The following EYS variants were observed in gnomAD, a reference collection of about 807,000 sequenced individuals.
EYS encodes EGF-like photoreceptor maintenance factor.
Under a neutral mutation model 282.1 loss-of-function variants are expected in EYS, and 250 were observed. The observed-to-expected ratio is 0.89, with a 90% CI of 0.80 to 0.98. The LOEUF (loss-of-function observed/expected upper bound fraction) is 0.98, where lower values mean the gene tolerates loss of function less well. EYS is among the 50% of genes least tolerant of loss of function. The pLI, the probability that EYS is intolerant of heterozygous loss-of-function variation, is 0.00. For missense variants in EYS, 4,016 were observed against 3,709.0 expected (o/e 1.08, Z -2.15); for synonymous variants, 1,355 against 1,282.9 (o/e 1.06, Z -1.20).
intron 5 of EYS, among the ~76,000 whole-genome samples, chr6:65,448,249 C>T (rs191711898): frequency 2.6e-5 from 4 of 152,048 alleles, no homozygotes; most frequent in Admixed American, 6.6e-5. Context: ...ACACACTGCA[C>T]GGCATTAAGG....
chr6:64,821,565 T>C (rs572895998), intron 21 of EYS, 80 bp downstream of exon 21: 17 of 717,772 alleles, frequency 2.4e-5, no homozygotes, highest in Admixed American at 8.3e-5. Flanking sequence ...GAAATGACTC[T>C]GAAACCTACA....
chr6:63,928,510 T>G (rs570638879), intron 35 of EYS, among the ~76,000 whole-genome samples: 145 of 136,548 alleles, frequency 1.1e-3, no homozygotes, highest in African/African-American at 4.0e-3. Flanking sequence ...CATCTACTGT[T>G]GCTCACCTTT....
intron 11 of EYS, among the ~76,000 whole-genome samples, chr6:65,306,859 A>AAAAAAAAAAAAAAAAAAAAAAAAG (rs1346343044): frequency 3.5e-5 from 5 of 142,392 alleles, no homozygotes; most frequent in Non-Finnish European, 7.7e-5. Context: ...AAAAAAAAAA[A>AAAAAAAAAAAAAAAAAAAAAAAAG]AAAGAAAGTC....
At chr6:63,898,956 C>T (rs992641396) in intron 35 of EYS, among the ~76,000 whole-genome samples, 1 of 152,136 alleles carries the variant, frequency 6.6e-6, no homozygotes, top group African/African-American at 2.4e-5. Flanking sequence ...CATGCAGTCA[C>T]AACCAGGCTG....
At chr6:64,170,003 T>C (rs1431576421) in intron 31 of EYS, among the ~76,000 whole-genome samples, 1 of 152,190 alleles carries the variant, frequency 6.6e-6, no homozygotes, top group Non-Finnish European at 1.5e-5. Context: ...TTCAATACTA[T>C]ACACCTTATA....
chr6:65,439,288 C>A (rs909821949), intron 5 of EYS, among the ~76,000 whole-genome samples: 7 of 152,060 alleles, frequency 4.6e-5, no homozygotes, highest in African/African-American at 1.4e-4. Flanking sequence ...AGTGATATCT[C>A]CAGCTTTGTT....
chr6:64,658,318 A>AGT (rs34688929), intron 22 of EYS, among the ~76,000 whole-genome samples: 96,908 of 151,614 alleles, frequency 0.64, 31,165 homozygotes, highest in African/African-American at 0.71. Flanking sequence ...TTTAGCTCGG[A>AGT]AGTTTGATCG....
At chr6:65,007,152 C>G (rs1289311055) in intron 13 of EYS, among the ~76,000 whole-genome samples, 1 of 151,894 alleles carries the variant, frequency 6.6e-6, no homozygotes, top group Admixed American at 6.6e-5. Flanking sequence ...GTGAGTGTAA[C>G]TAATCAGATA....
chr6:64,298,309 CTAAA>C (rs1472742319), intron 30 of EYS, among the ~76,000 whole-genome samples: 3 of 149,792 alleles, frequency 2.0e-5, no homozygotes, highest in African/African-American at 7.4e-5. Context: ...ATTTTGTTTT[CTAAA>C]TAATTTAAAA....
chr6:64,607,962 T>C (rs910417687), intron 24 of EYS, among the ~76,000 whole-genome samples: 2 of 152,176 alleles, frequency 1.3e-5, no homozygotes, highest in Non-Finnish European at 2.9e-5. Context: ...TAGGGTAAAG[T>C]ATCCAAGACA....
chr6:65,018,026 A>ATGG (rs1772110410), intron 13 of EYS, among the ~76,000 whole-genome samples: 1 of 152,188 alleles, frequency 6.6e-6, no homozygotes, highest in African/African-American at 2.4e-5. Flanking sequence ...AGGTGAATTT[A>ATGG]TGGTGGTCTT....
intron 35 of EYS, among the ~76,000 whole-genome samples, chr6:63,873,873 C>T (rs1772887089): frequency 6.6e-6 from 1 of 151,622 alleles, no homozygotes; most frequent in South Asian, 2.1e-4. Flanking sequence ...TGTTTAAGTT[C>T]TTTGTAGATT....
intron 35 of EYS, among the ~76,000 whole-genome samples, chr6:63,921,423 CATTA>C (rs1291837731): frequency 2.0e-5 from 3 of 152,244 alleles, no homozygotes; most frequent in African/African-American, 7.2e-5. Flanking sequence ...TTCTGCATGT[CATTA>C]ATTAAAGTTT....
intron 22 of EYS, among the ~76,000 whole-genome samples, chr6:64,745,439 A>C (rs1266050091): frequency 1.3e-5 from 2 of 152,174 alleles, no homozygotes; most frequent in African/African-American, 2.4e-5. Flanking sequence ...AAATTTAGCC[A>C]TTTTGAGTTG....
intron 2 of EYS, among the ~76,000 whole-genome samples, chr6:65,589,378 T>C (rs1765158502): frequency 6.6e-6 from 1 of 152,028 alleles, no homozygotes; most frequent in Non-Finnish European, 1.5e-5. Flanking sequence ...GCAATTATCT[T>C]TTTCTTCTTT....
chr6:64,630,292 T>G (rs1339745046), intron 22 of EYS, among the ~76,000 whole-genome samples: 2 of 152,072 alleles, frequency 1.3e-5, no homozygotes, highest in South Asian at 2.1e-4. Flanking sequence ...AGAGACGGGA[T>G]TTCACCATGT....
At chr6:65,116,950 C>T (rs1211389728) in intron 12 of EYS, among the ~76,000 whole-genome samples, 1 of 152,168 alleles carries the variant, frequency 6.6e-6, no homozygotes. Flanking sequence ...ATTTCAAGCC[C>T]TTATCAATGT....
intron 1 of EYS, among the ~76,000 whole-genome samples, chr6:65,705,868 A>T (rs1380895992): frequency 6.6e-6 from 1 of 152,124 alleles, no homozygotes; most frequent in Non-Finnish European, 1.5e-5. Context: ...CTGAATTATT[A>T]ACAATTGCAA....
chr6:64,652,296 T>G (rs1249362076), intron 22 of EYS, among the ~76,000 whole-genome samples: 1 of 152,102 alleles, frequency 6.6e-6, no homozygotes, highest in African/African-American at 2.4e-5. Flanking sequence ...TCAGGTGAGC[T>G]CATTAAAAAC....
Sources: gnomAD v4.1 joint callset for allele counts (sites outside exome capture counted in the v4.1 genomes callset) on GRCh38, gnomAD v4.1.1 for gene constraint, MANE v1.5 for transcripts, NCBI Gene and HGNC (gene_info 2026-07-23, HGNC 2026-07-21) for gene names.